Variants in PCDHA2 observed in about 807,000 individuals in gnomAD.
The protein encoded by PCDHA2 is protocadherin alpha 2.
A neutral mutation model predicts 66.0 loss-of-function variants in PCDHA2; 58 were observed. The ratio of observed to expected loss-of-function variants is 0.88; its 90% confidence interval spans 0.71 to 1.09. The LOEUF (loss-of-function observed/expected upper bound fraction) is 1.09, where lower values mean the gene tolerates loss of function less well. Among genes scored for constraint, PCDHA2 ranks in the 50% least tolerant of loss-of-function variants. The pLI, the probability that PCDHA2 is intolerant of heterozygous loss-of-function variation, is 0.00. For synonymous variants in PCDHA2, 634 were observed against 554.0 expected, an observed-to-expected ratio of 1.14 and a Z score of -2.03; for missense variants, 1,267 against 1,242.3, an observed-to-expected ratio of 1.02 and a Z score of -0.30.
intron 1 of PCDHA2, among the ~76,000 whole-genome samples, chr5:140,939,255 A>T (rs1032457788): frequency 2.6e-5 from 4 of 152,060 alleles, no homozygotes; most frequent in Non-Finnish European, 4.4e-5. Context: ...GCTCTCTGGA[A>T]CCTCTTTTAT....
At chr5:140,841,244 G>A in intron 1 of PCDHA2, 1 of 1,496,324 alleles carries the variant, frequency 6.7e-7, no homozygotes, top group South Asian at 1.4e-5. Context: ...CAGCGGAATT[G>A]GATTAAAAGA....
Position 140,797,083 on chromosome 5 carries a change from G to C in PCDHA2, c.2119G>C (p.Val707Leu). 1 of 1,613,952 alleles carries C rather than the reference G, an allele frequency of 6.2e-7. No individual in the cohort carries two copies. The highest frequency in any genetic ancestry group is 8.5e-7 in the Non-Finnish European group (1 of 1,179,970). Residue 707 changes from valine to leucine, a missense_variant, in exon 1 of 4, where the codon GTA (valine) becomes CTA (leucine). By Grantham distance (32) the Val-to-Leu change is conservative. Transcript: ENST00000526136. The part of the protein sequence containing the change: ...NVYLIIAICA[V>L]SSLLVLTVLL... ...GTACCTGATCATCGCCATCTGCGCGGTATCCAGCCTGTTGGTGCTCACGGT... is the reference window on the plus strand; with the variant it reads ...GTACCTGATCATCGCCATCTGCGCGCTATCCAGCCTGTTGGTGCTCACGGT...
chr5:140,885,044 T>G (rs187504984), intron 1 of PCDHA2, among the ~76,000 whole-genome samples: 1 of 152,360 alleles, frequency 6.6e-6, no homozygotes, highest in African/African-American at 2.4e-5. Context: ...TTTAGTTTAA[T>G]GTATACATAT....
At chr5:140,901,941 T>C (rs1350790379) in intron 1 of PCDHA2, among the ~76,000 whole-genome samples, 3 of 152,110 alleles carry the variant, frequency 2.0e-5, no homozygotes, top group African/African-American at 7.2e-5. Flanking sequence ...CTAGGTATAT[T>C]TAGTTTTATT....
intron 1 of PCDHA2, among the ~76,000 whole-genome samples, chr5:140,922,423 T>C (rs1554200812): frequency 6.6e-6 from 1 of 152,170 alleles, no homozygotes; most frequent in Non-Finnish European, 1.5e-5. Context: ...GTACAGAGGC[T>C]GAGGGCAGAA....
intron 1 of PCDHA2, chr5:140,808,693 C>G: frequency 6.2e-7 from 1 of 1,612,144 alleles, no homozygotes. Flanking sequence ...TAGGGGAGCG[C>G]GCGCTGTCGA....
chr5:140,988,403 C>T (rs1054317981), intron 3 of PCDHA2, among the ~76,000 whole-genome samples: 3 of 152,036 alleles, frequency 2.0e-5, no homozygotes, highest in African/African-American at 4.8e-5. Context: ...GAGTTCTCTT[C>T]GCAGCTTATG....
chr5:140,811,491 T>A (rs940302653), intron 1 of PCDHA2: 17 of 152,198 alleles, frequency 1.1e-4, no homozygotes, highest in African/African-American at 4.1e-4. Flanking sequence ...GTCTTTATAG[T>A]AGCATGATTT....
chr5:140,854,193 C>T (rs989719684), intron 1 of PCDHA2: 2 of 563,742 alleles, frequency 3.5e-6, no homozygotes, highest in African/African-American at 2.1e-5. Flanking sequence ...TTTAACTACT[C>T]CCTACTTTTT....
At chr5:140,913,299 T>A (rs2076283233) in intron 1 of PCDHA2, among the ~76,000 whole-genome samples, 1 of 152,196 alleles carries the variant, frequency 6.6e-6, no homozygotes, top group South Asian at 2.1e-4. Context: ...AATTTCTTCA[T>A]AGATCAACCT....
chr5:140,968,257 T>C (rs781932747), intron 1 of PCDHA2: 2 of 1,613,946 alleles, frequency 1.2e-6, no homozygotes, highest in East Asian at 2.2e-5. Context: ...CAGACCCAGA[T>C]GAAAAGGAGA....
intron 1 of PCDHA2, among the ~76,000 whole-genome samples, chr5:140,950,402 G>A (rs1459486068): frequency 6.6e-6 from 1 of 151,846 alleles, no homozygotes; most frequent in African/African-American, 2.4e-5. Context: ...AATTCTGGGG[G>A]ATTGACAGAT....
rs374146742 is a variant in PCDHA2 at position 140,927,954 on chromosome 5, C to T, written c.2389-50995C>T. ...CGAACCCAGTACCTGAGGACGCTGC[C>T]CCTGGCACAGTGATTGCTCTCTTTA... On this transcript the variant is annotated intron_variant, in intron 1 of 3. Transcript: ENST00000526136. The T allele has an allele frequency of 5.2e-5, 84 of 1,614,080 alleles. No homozygotes were observed. In the African/African-American group the frequency reaches 1.0e-3, roughly 19 times the overall value.
intron 1 of PCDHA2, chr5:140,836,210 T>A: frequency 6.2e-7 from 1 of 1,613,772 alleles, no homozygotes. Context: ...GGCTTTCGTA[T>A]GAGTTGCAAC....
chr5:140,797,472 G>A (rs782531081), intron 1 of PCDHA2, 120 bp downstream of exon 1: 4 of 1,160,564 alleles, frequency 3.4e-6, no homozygotes, highest in South Asian at 1.5e-5. Context: ...CCTACCGTGC[G>A]ATTTTGAATA....
At chr5:140,922,548 G>T (rs2080883425) in intron 1 of PCDHA2, among the ~76,000 whole-genome samples, 2 of 152,172 alleles carry the variant, frequency 1.3e-5, no homozygotes, top group Non-Finnish European at 2.9e-5. Flanking sequence ...GCAAGGTAAG[G>T]AGAAAAGTCA....
At chr5:140,858,437 G>C (rs1343643925) in intron 1 of PCDHA2, 1 of 1,541,950 alleles carries the variant, frequency 6.5e-7, no homozygotes, top group South Asian at 1.2e-5. Context: ...CTCTAGGAAG[G>C]TGGGTTATTA....
chr5:140,834,730 T>G, intron 1 of PCDHA2: 2 of 1,614,148 alleles, frequency 1.2e-6, no homozygotes, highest in Non-Finnish European at 1.7e-6. Context: ...CCGCTGCAGG[T>G]TTTCCATGTG....
At chr5:141,005,696 C>A (rs1269379462) in intron 3 of PCDHA2, among the ~76,000 whole-genome samples, 1 of 105,034 alleles carries the variant, frequency 9.5e-6, no homozygotes, top group African/African-American at 4.2e-5. Flanking sequence ...AGCGAAACTC[C>A]GTCTCAAAAA....
Sources: allele counts gnomAD v4.1 joint callset (sites outside exome capture counted in the v4.1 genomes callset), GRCh38; gene constraint gnomAD v4.1.1; transcripts MANE v1.5; gene names NCBI Gene and HGNC (gene_info 2026-07-23, HGNC 2026-07-21).